RAPGEF5: variants seen among roughly 807,000 people sequenced by gnomAD.
RAPGEF5 encodes M-Ras-regulated GEF.
A neutral mutation model predicts 125.2 loss-of-function variants in RAPGEF5; 65 were observed. The ratio of observed to expected loss-of-function variants is 0.52; its 90% confidence interval spans 0.43 to 0.64. The LOEUF is 0.64. RAPGEF5 is among the 30% of genes least tolerant of loss of function. The pLI, the probability that RAPGEF5 is intolerant of heterozygous loss-of-function variation, is 0.00. For missense variants in RAPGEF5, 958 were observed against 1,048.1 expected, an observed-to-expected ratio of 0.91 and a Z score of 1.19; for synonymous variants, 391 against 385.9, an observed-to-expected ratio of 1.01 and a Z score of -0.16.
At chr7:22,165,804 A>G (rs906699751) in intron 12 of RAPGEF5, among the ~76,000 whole-genome samples, 4 of 151,878 alleles carry the variant, frequency 2.6e-5, no homozygotes, top group African/African-American at 7.3e-5. Flanking sequence ...AAGGATATTA[A>G]ATAAGCATTA....
At chr7:22,155,393 T>A (rs776079694) in intron 16 of RAPGEF5, among the ~76,000 whole-genome samples, 3 of 152,236 alleles carry the variant, frequency 2.0e-5, no homozygotes, top group Non-Finnish European at 4.4e-5. Flanking sequence ...TTACCTCTTA[T>A]ATCAGCTACT....
chr7:22,145,819 A>G (rs1001219933), intron 19 of RAPGEF5, among the ~76,000 whole-genome samples: 8 of 152,202 alleles, frequency 5.3e-5, no homozygotes, highest in African/African-American at 1.9e-4. Context: ...CCACCAATAT[A>G]AAACATTGTC....
chr7:22,254,315 A>G (rs1475976160), intron 7 of RAPGEF5, among the ~76,000 whole-genome samples: 1 of 143,746 alleles, frequency 7.0e-6, no homozygotes, highest in Non-Finnish European at 1.5e-5. Flanking sequence ...TAATCAAAAG[A>G]AAAAAAAAAA....
At chr7:22,245,017 CAAGT>C (rs1234139219) in intron 7 of RAPGEF5, among the ~76,000 whole-genome samples, 6 of 152,196 alleles carry the variant, frequency 3.9e-5, no homozygotes, top group Admixed American at 1.3e-4. Flanking sequence ...GCCATTCTAA[CAAGT>C]AGCAGGTGAT....
intron 7 of RAPGEF5, among the ~76,000 whole-genome samples, chr7:22,249,421 C>G (rs549664722): frequency 8.6e-4 from 131 of 152,148 alleles, no homozygotes; most frequent in Middle Eastern, 3.4e-3. Flanking sequence ...AACCCCTGAC[C>G]TCAAGTGATC....
chr7:22,230,705 A>G, intron 8 of RAPGEF5, 141 bp downstream of exon 8: 3 of 727,684 alleles, frequency 4.1e-6, no homozygotes, highest in Non-Finnish European at 6.7e-6. Flanking sequence ...TTTATATCAA[A>G]ACTGAGCACT....
intron 19 of RAPGEF5, among the ~76,000 whole-genome samples, chr7:22,145,965 T>TGC (rs1188512866): frequency 6.8e-6 from 1 of 147,298 alleles, no homozygotes; most frequent in Non-Finnish European, 1.5e-5. Flanking sequence ...TGTGTTTGTG[T>TGC]GCGTGTGTGT....
intron 9 of RAPGEF5, among the ~76,000 whole-genome samples, chr7:22,212,584 T>C (rs1785536725): frequency 6.6e-6 from 1 of 152,236 alleles, no homozygotes; most frequent in African/African-American, 2.4e-5. Flanking sequence ...CTCTTCTTTT[T>C]ATTTTTCCAA....
chr7:22,184,800 A>G (rs928054029), intron 11 of RAPGEF5, among the ~76,000 whole-genome samples: 2 of 152,228 alleles, frequency 1.3e-5, no homozygotes, highest in African/African-American at 2.4e-5. Context: ...GCATGTTCAA[A>G]GGTGGTGAGA....
At chr7:22,174,410 G>A (rs1193906171) in intron 11 of RAPGEF5, among the ~76,000 whole-genome samples, 1 of 152,122 alleles carries the variant, frequency 6.6e-6, no homozygotes, top group African/African-American at 2.4e-5. Flanking sequence ...TTAAAAGTCA[G>A]AAGATCTGGC....
intron 6 of RAPGEF5, among the ~76,000 whole-genome samples, chr7:22,272,445 G>A (rs146099789): frequency 1.5e-3 from 228 of 151,012 alleles, no homozygotes; most frequent in African/African-American, 4.3e-3. Context: ...AGTTACCAAA[G>A]CGTTGTCCTT....
At chr7:22,345,870 C>T (rs1784214926) in intron 1 of RAPGEF5, among the ~76,000 whole-genome samples, 1 of 152,088 alleles carries the variant, frequency 6.6e-6, no homozygotes, top group Non-Finnish European at 1.5e-5. Flanking sequence ...CTGTTTATGG[C>T]CAAACAAACC....
intron 6 of RAPGEF5, among the ~76,000 whole-genome samples, chr7:22,282,588 A>G (rs1782698638): frequency 6.6e-6 from 1 of 152,234 alleles, no homozygotes; most frequent in South Asian, 2.1e-4. Flanking sequence ...AATAATTAAT[A>G]ACGCCTGTCT....
Position 22,320,571 on chromosome 7 carries a change from C to T in RAPGEF5, c.232-2534G>A, listed in dbSNP as rs149788561. On this transcript the variant is annotated intron_variant, in intron 1 of 25. Transcript: ENST00000665637. ...TACCGCAAAAGCACCCTTGAAAATG[C>T]ACCCCCCTCTTTCCATTTTAACATT... Among the ~76,000 whole-genome samples, 12 of 152,286 alleles carry T rather than the reference C, an allele frequency of 7.9e-5. No individual in the cohort carries two copies. The East Asian group carries it at 1.7e-3, about 22-fold the overall frequency.
chr7:22,316,250 T>G (rs570734700), intron 2 of RAPGEF5, among the ~76,000 whole-genome samples: 2 of 151,674 alleles, frequency 1.3e-5, no homozygotes, highest in African/African-American at 4.8e-5. Context: ...TAAATGAAAA[T>G]AAGCTGTCTT....
chr7:22,183,011 G>A (rs1241710976), intron 11 of RAPGEF5, among the ~76,000 whole-genome samples: 1 of 152,050 alleles, frequency 6.6e-6, no homozygotes, highest in Admixed American at 6.5e-5. Context: ...AGTGGCTCAC[G>A]CCTATAATCC....
chr7:22,177,694 T>C (rs1432447069), intron 11 of RAPGEF5, among the ~76,000 whole-genome samples: 1 of 152,166 alleles, frequency 6.6e-6, no homozygotes, highest in Non-Finnish European at 1.5e-5. Context: ...GGTTGCACAT[T>C]ATCTTTTTTG....
chr7:22,307,309 T>C (rs781156707), intron 5 of RAPGEF5, among the ~76,000 whole-genome samples: 64 of 152,208 alleles, frequency 4.2e-4, no homozygotes, highest in Non-Finnish European at 7.1e-4. Context: ...TTTGTGTCTA[T>C]TGTACACGCT....
chr7:22,130,898 G>C, intron 24 of RAPGEF5, 139 bp downstream of exon 24: 1 of 1,226,188 alleles, frequency 8.2e-7, no homozygotes, highest in Non-Finnish European at 1.1e-6. Flanking sequence ...TAAGCTCCTT[G>C]AATGAAGCAA....
Sources: gnomAD v4.1 joint callset for allele counts (sites outside exome capture counted in the v4.1 genomes callset) on GRCh38, gnomAD v4.1.1 for gene constraint, MANE v1.5 for transcripts, NCBI Gene and HGNC (gene_info 2026-07-23, HGNC 2026-07-21) for gene names.